Variants in GULP1 observed in about 807,000 individuals in gnomAD.
The protein encoded by GULP1 is PTB domain-containing engulfment adapter protein 1.
GULP1 carries 19 observed loss-of-function variants against 40.9 expected under a neutral mutation model. That is an observed-to-expected ratio of 0.46 (90% confidence interval 0.32 to 0.68). GULP1 has a LOEUF of 0.68. Among genes scored for constraint, GULP1 ranks in the 30% least tolerant of loss-of-function variants. The pLI is 0.03. For synonymous variants in GULP1, 119 were observed against 117.6 expected (o/e 1.01, Z -0.08); for missense variants, 312 against 362.2 (o/e 0.86, Z 1.12).
chr2:188,512,712 A>C (rs924463078), intron 4 of GULP1, among the ~76,000 whole-genome samples: 1 of 152,118 alleles, frequency 6.6e-6, no homozygotes, highest in Admixed American at 6.5e-5. Flanking sequence ...AAGTGAAAAA[A>C]TCTTCCATTT....
At chr2:188,502,302 G>A (rs1308976426) in intron 4 of GULP1, among the ~76,000 whole-genome samples, 1 of 151,820 alleles carries the variant, frequency 6.6e-6, no homozygotes, top group Non-Finnish European at 1.5e-5. Context: ...AATTCTTAAG[G>A]AAATATTATC....
intron 5 of GULP1, among the ~76,000 whole-genome samples, chr2:188,527,117 ACTTC>A (rs923325260): frequency 4.0e-5 from 6 of 151,768 alleles, no homozygotes; most frequent in South Asian, 2.1e-4. Flanking sequence ...CTCAGCCCCT[ACTTC>A]CTTCCTTTCT....
At chr2:188,370,234 G>A (rs2047424542) in intron 1 of GULP1, among the ~76,000 whole-genome samples, 1 of 152,182 alleles carries the variant, frequency 6.6e-6, no homozygotes, top group South Asian at 2.1e-4. Context: ...ATTCACAGAT[G>A]AGATTTATAG....
At chr2:188,412,882 A>G (rs2054092769) in intron 2 of GULP1, among the ~76,000 whole-genome samples, 1 of 152,206 alleles carries the variant, frequency 6.6e-6, no homozygotes. Flanking sequence ...TGGTACTGAT[A>G]TAATTTGTAC....
chr2:188,454,993 A>T lies in GULP1; in HGVS notation c.-44-22666A>T, dbSNP rs889341712. On this transcript the variant is annotated intron_variant, in intron 2 of 11. Coordinates refer to ENST00000409830, the MANE Select transcript of GULP1 (RefSeq NM_016315.4). Reference sequence around the variant, plus strand: ...AAAATAAAAACAAAATTAACCAGGTATGAGGGTATGCTCCTGTAGTCCCAG... The same window carrying T: ...AAAATAAAAACAAAATTAACCAGGTTTGAGGGTATGCTCCTGTAGTCCCAG... 2.6e-5 allele frequency among the ~76,000 whole-genome samples: 4 copies of T among 152,010 alleles called. No homozygotes were observed. The East Asian group carries it at 7.7e-4, about 29-fold the overall frequency.
chr2:188,407,082 A>G (rs1270501508), intron 2 of GULP1, among the ~76,000 whole-genome samples: 1 of 152,196 alleles, frequency 6.6e-6, no homozygotes, highest in Non-Finnish European at 1.5e-5. Flanking sequence ...ATTCCAGGCC[A>G]GGAGAGAGTG....
At chr2:188,376,900 G>A (rs868691185) in intron 1 of GULP1, among the ~76,000 whole-genome samples, 2 of 152,238 alleles carry the variant, frequency 1.3e-5, no homozygotes, top group Admixed American at 6.5e-5. Flanking sequence ...TGGGCCGGGC[G>A]CAGTGGCTCA....
intron 2 of GULP1, among the ~76,000 whole-genome samples, chr2:188,392,697 T>A (rs1449892644): frequency 6.6e-6 from 1 of 152,080 alleles, no homozygotes; most frequent in Non-Finnish European, 1.5e-5. Flanking sequence ...TGTCAATTTG[T>A]GATCTTTCAG....
chr2:188,390,725 T>C (rs539438803), intron 2 of GULP1, among the ~76,000 whole-genome samples: 1 of 152,266 alleles, frequency 6.6e-6, no homozygotes, highest in East Asian at 1.9e-4. Context: ...CTGGGTTATC[T>C]TCTAGGTTTT....
At chr2:188,557,433 C>A (rs1695057262) in intron 7 of GULP1, among the ~76,000 whole-genome samples, 1 of 152,216 alleles carries the variant, frequency 6.6e-6, no homozygotes, top group East Asian at 1.9e-4. Context: ...CTCACACAAT[C>A]CCAAAATCCA....
At chr2:188,454,999 G>T (rs2059145734) in intron 2 of GULP1, among the ~76,000 whole-genome samples, 3 of 152,134 alleles carry the variant, frequency 2.0e-5, no homozygotes, top group South Asian at 4.2e-4. Flanking sequence ...AGGTATGAGG[G>T]TATGCTCCTG....
At chr2:188,460,432 T>TG (rs1292873991) in intron 2 of GULP1, among the ~76,000 whole-genome samples, 2 of 151,850 alleles carry the variant, frequency 1.3e-5, no homozygotes, top group Non-Finnish European at 1.5e-5. Context: ...TCTTTTTTTT[T>TG]TTTTAGATTG....
intron 9 of GULP1, among the ~76,000 whole-genome samples, chr2:188,578,351 G>C (rs558893821): frequency 6.6e-6 from 1 of 151,516 alleles, no homozygotes; most frequent in African/African-American, 2.4e-5. Context: ...AATGCACCAA[G>C]ACACTACTTA....
intron 4 of GULP1, among the ~76,000 whole-genome samples, chr2:188,489,056 G>T (rs1405631161): frequency 6.6e-6 from 1 of 151,816 alleles, no homozygotes; most frequent in African/African-American, 2.4e-5. Flanking sequence ...GAGAACATAT[G>T]ATAAATTACC....
intron 2 of GULP1, among the ~76,000 whole-genome samples, chr2:188,427,760 G>A (rs965990149): frequency 6.6e-6 from 1 of 152,234 alleles, no homozygotes; most frequent in Admixed American, 6.5e-5. Flanking sequence ...GAACCCTCAT[G>A]GAGAACCTCT....
In GULP1 at chr2:188,540,451, TGTGC is replaced by T. The variant is rs572877007; in HGVS notation, c.262-726_262-723del. Among the ~76,000 whole-genome samples, 681 of 152,042 alleles carry T rather than the reference TGTGC, an allele frequency of 4.5e-3. 8 individuals are homozygous for T. Among genetic ancestry groups the T allele is most frequent in the African/African-American group, 0.016 (651 of 41,480 alleles). Reference sequence around the variant, plus strand: ...ATAATTTAATATGTGTGTGTGTGTGTGTGCGTGTGTAAATATATGCTGCAACTAT... The same window carrying T: ...ATAATTTAATATGTGTGTGTGTGTGTGTGTGTAAATATATGCTGCAACTAT... On this transcript the variant is annotated intron_variant, in intron 6 of 11. Coordinates refer to ENST00000409830, the MANE Select transcript of GULP1 (RefSeq NM_016315.4).
intron 1 of GULP1, chr2:188,293,321 A>G (rs546538321): frequency 2.6e-5 from 4 of 152,354 alleles, no homozygotes; most frequent in South Asian, 2.1e-4. Flanking sequence ...AATGCAGTCA[A>G]TTAGGAAGGA....
At chr2:188,479,487 G>C (rs1358910137) in intron 3 of GULP1, among the ~76,000 whole-genome samples, 2 of 152,000 alleles carry the variant, frequency 1.3e-5, no homozygotes, top group Non-Finnish European at 2.9e-5. Flanking sequence ...TACGTTGCCA[G>C]GGCTGGTCTC....
chr2:188,540,512 G>A (rs1360535016), intron 6 of GULP1, among the ~76,000 whole-genome samples: 1 of 151,806 alleles, frequency 6.6e-6, no homozygotes, highest in Non-Finnish European at 1.5e-5. Context: ...GTCTTCTACT[G>A]ATGAATAGAT....
Sources: gnomAD v4.1 joint callset for allele counts (sites outside exome capture counted in the v4.1 genomes callset) on GRCh38, gnomAD v4.1.1 for gene constraint, MANE v1.5 for transcripts, NCBI Gene and HGNC (gene_info 2026-07-23, HGNC 2026-07-21) for gene names.